HAGH: variants seen among roughly 807,000 people sequenced by gnomAD.
HAGH encodes the protein hydroxyacylglutathione hydrolase, mitochondrial.
In HAGH, 29 loss-of-function variants were observed where a neutral mutation model predicts 35.1. That is an observed-to-expected ratio of 0.83 (90% CI 0.62 to 1.13). The LOEUF is 1.13. Among genes scored for constraint, HAGH ranks in the 50% most tolerant of loss-of-function variants. The pLI, the probability that HAGH is intolerant of heterozygous loss-of-function variation, is 0.00. For missense variants in HAGH, 478 were observed against 419.6 expected (o/e 1.14, Z -1.22); for synonymous variants, 225 against 176.1 (o/e 1.28, Z -2.20).
intron 2 of HAGH, 41 bp downstream of exon 2, chr16:1,822,824 G>A (rs1354076236): frequency 8.2e-6 from 13 of 1,577,962 alleles, no homozygotes; most frequent in Non-Finnish European, 1.0e-5. Context: ...ACTCCGAGCT[G>A]GGTGACCAGG....
chr16:1,822,928 C>T lies in HAGH; in HGVS notation c.186G>A (p.Met62Ile). 6.2e-7 allele frequency: 1 copy of T among 1,613,918 alleles called. No individual in the cohort carries two copies. Residue 62 changes from methionine (M) to isoleucine (I), a missense_variant, in exon 2 of 9, where the codon ATG becomes ATA. Physicochemically the swap from Met to Ile is conservative, Grantham distance 10. Coordinates refer to ENST00000397356, the MANE Select transcript of HAGH (RefSeq NM_005326.6). ...EVLPALTDNY[M>I]YLVIDDETKE... ...TGGTCTCATCATCAATGACCAGGTA[C>T]ATGTAGTTGTCGGTCAGGGCAGGCA...
rs1898077557 is a variant in HAGH at position 1,819,999 on chromosome 16, C to T, written c.330G>A (p.Gly110=). The T allele has an allele frequency of 1.2e-6, 2 of 1,611,894 alleles. No homozygotes were observed. The highest frequency in any genetic ancestry group is 1.7e-5 in the Admixed American group (1 of 59,910). The change falls in exon 4 of 9, where the codon GGG becomes GGA. Residue 110 remains glycine, a synonymous_variant. Transcript: ENST00000397356. ...TTHHHWDHAG[G]NEKLVKLESG... ...ACTCCAGCTTGACCAGTTTCTCATT[C>T]CCGCCAGCATGGTCCCTAGAAGTCA... is the stretch of plus-strand genomic sequence containing the variant.
chr16:1,818,088 G>A (rs1009357648), intron 5 of HAGH, among the ~76,000 whole-genome samples: 3 of 152,230 alleles, frequency 2.0e-5, no homozygotes, highest in Non-Finnish European at 4.4e-5. Context: ...AGGACCAGCA[G>A]GAGGCCATGG....
Position 1,809,167 on chromosome 16 carries a change from G to A in HAGH, c.*116C>T, listed in dbSNP as rs769610239. The A allele has an allele frequency of 4.1e-5, 29 of 706,108 alleles. No homozygotes were observed. The highest frequency in any genetic ancestry group is 6.8e-5 in the Non-Finnish European group (27 of 399,536). The allele number at this position is 706,108 out of a possible 1,614,324, so 43.7% of individuals were successfully genotyped here. On this transcript the variant is annotated 3_prime_UTR_variant, in exon 9 of 9. Transcript: ENST00000397356. Reference sequence around the variant, plus strand: ...TGCATTAGAATGTCCGATAACACAAGCCAAGGGCTGTAAAATTAAGGTTAA... The same window carrying A: ...TGCATTAGAATGTCCGATAACACAAACCAAGGGCTGTAAAATTAAGGTTAA...
chr16:1,817,106 G>A, intron 6 of HAGH, 62 bp downstream of exon 6: 2 of 1,356,086 alleles, frequency 1.5e-6, no homozygotes, highest in Non-Finnish European at 2.1e-6. Flanking sequence ...TGCCAGGAGG[G>A]AGAGCAGCCC....
In HAGH at chr16:1,809,792, C is replaced by T. The variant is rs1258554555; in HGVS notation, c.789G>A (p.Leu263=). Residue 263 remains leucine (L), a synonymous_variant, in exon 8 of 9, where the codon CTG becomes CTA. Transcript: ENST00000397356. ...SIGEPTVPST[L]AEEFTYNPFM... ...AGGGGTTGTAGGTAAACTCCTCTGCCAGGGTGGATGGCACTGTGGGCTCCC... is the reference window on the plus strand; with the variant it reads ...AGGGGTTGTAGGTAAACTCCTCTGCTAGGGTGGATGGCACTGTGGGCTCCC... The T allele has an allele frequency of 1.2e-6, 2 of 1,613,894 alleles. No individual in the cohort carries two copies. The highest frequency in any genetic ancestry group is 2.7e-5 in the African/African-American group (2 of 74,940).
Position 1,822,350 on chromosome 16 carries a change from C to T in HAGH, c.264G>A (p.Ala88=), listed in dbSNP as rs775202951. 3.1e-6 allele frequency: 5 copies of T among 1,611,510 alleles called. No individual in the cohort carries two copies. Among genetic ancestry groups the T allele is most frequent in the Non-Finnish European group, 4.2e-6 (5 of 1,178,850 alleles). Residue 88 remains alanine (A), a synonymous_variant, in exon 3 of 9, where the codon GCG becomes GCA. Transcript: ENST00000397356. ...TGGTCAGTTTCACCCCGTGCTTTCT[C>T]GCCGCGTCCACGACCTGCAGTGGCC... ...PVQPQKVVDA[A]RKHGVKLTTV...
intron 2 of HAGH, 95 bp from the exon 3 acceptor site, chr16:1,822,459 G>A (rs1048789891): frequency 5.5e-5 from 51 of 929,058 alleles, no homozygotes; most frequent in East Asian, 1.7e-4. Flanking sequence ...CCCAGGACAC[G>A]CCATGAGGGG....
chr16:1,815,268 A>G (rs1184482279), intron 7 of HAGH, among the ~76,000 whole-genome samples: 4 of 152,238 alleles, frequency 2.6e-5, no homozygotes, highest in Non-Finnish European at 5.9e-5. Flanking sequence ...GAACAGTACA[A>G]CCATTTTTGG....
rs749673184 is a variant in HAGH, at chr16:1,823,001, A to C, written c.113T>G (p.Leu38Trp). Residue 38 changes from leucine (L) to tryptophan (W), a missense_variant, in exon 2 of 9, where the codon TTG becomes TGG. Transcript: ENST00000397356. ...CTCGTCCACGGTCAGGTTCTTCCGCAAATCTGTGTGGCAGAAAACTCCCAG... is the reference window on the plus strand; with the variant it reads ...CTCGTCCACGGTCAGGTTCTTCCGCCAATCTGTGTGGCAGAAAACTCCCAG... ...ALLGVFCHTD[L>W]RKNLTVDEGT... The C allele has an allele frequency of 8.7e-6, 14 of 1,613,832 alleles. No individual in the cohort carries two copies. In the Admixed American group the frequency reaches 2.3e-4, roughly 27 times the overall value.
rs544166906 is a variant in HAGH at position 1,809,299 on chromosome 16, T to C, written c.911A>G (p.Lys304Arg). Reference sequence around the variant, plus strand: ...AGGGCGGCCTCAGTCCCGGGGCATCTTGAACTGGTCCTTCTCCCTGCGCAC... The same window carrying C: ...AGGGCGGCCTCAGTCCCGGGGCATCCTGAACTGGTCCTTCTCCCTGCGCAC... ...RAVRREKDQF[K>R]MPRD The change falls in exon 9 of 9, where the codon AAG becomes AGG. Residue 304 changes from lysine (K) to arginine (R), a missense_variant. Transcript: ENST00000397356. 2 of 1,612,120 alleles carry C rather than the reference T, an allele frequency of 1.2e-6. No individual in the cohort carries two copies. The highest frequency in any genetic ancestry group is 2.2e-5 in the East Asian group (1 of 44,794).
upstream of HAGH, chr16:1,826,845 G>C (rs1049897720): frequency 7.3e-6 from 8 of 1,098,572 alleles, no homozygotes; most frequent in South Asian, 1.4e-4. Context: ...CGGCGTCGGC[G>C]CGTCGCAGCC....
intron 8 of HAGH, 83 bp from the exon 9 acceptor site, chr16:1,809,465 C>CGT (rs1567249914): frequency 8.6e-7 from 1 of 1,165,566 alleles, no homozygotes; most frequent in Admixed American, 1.8e-5. Flanking sequence ...GAAGGCGACT[C>CGT]GTGCTGGCCG....
chr16:1,824,138 C>T (rs1898285418), intron 1 of HAGH, among the ~76,000 whole-genome samples: 1 of 151,700 alleles, frequency 6.6e-6, no homozygotes, highest in Admixed American at 6.6e-5. Flanking sequence ...AGGAGAATTG[C>T]TTGAATCCGG....
chr16:1,823,099 A>G (rs1267042105), intron 1 of HAGH, 62 bp from the exon 2 acceptor site: 2 of 1,404,496 alleles, frequency 1.4e-6, no homozygotes, highest in South Asian at 1.2e-5. Context: ...CAGGACGCGC[A>G]AGCTGCAGTG....
Position 1,822,289 on chromosome 16 carries a change from G to T in HAGH, c.314+11C>A, listed in dbSNP as rs185928647. On this transcript the variant is annotated intron_variant, in intron 3 of 8. Transcript: ENST00000397356. ...CAGGTCCCACACCCCCAGGTGAGAC[G>T]CGGCACTTACCAGTGGTGGTGGGTG... is the stretch of plus-strand genomic sequence containing the variant. 2 of 1,590,086 alleles carry T rather than the reference G, an allele frequency of 1.3e-6. No homozygotes were observed. The highest frequency in any genetic ancestry group is 1.7e-6 in the Non-Finnish European group (2 of 1,159,046).
At chr16:1,809,616 C>G in intron 8 of HAGH, 138 bp downstream of exon 8, 2 of 744,016 alleles carry the variant, frequency 2.7e-6, no homozygotes, top group Non-Finnish European at 4.7e-6. Flanking sequence ...GAAGAGTGCT[C>G]GGGCTCTGCG....
chr16:1,822,822 C>A (rs763055208), intron 2 of HAGH, 43 bp downstream of exon 2: 1 of 1,573,668 alleles, frequency 6.4e-7, no homozygotes, highest in South Asian at 1.1e-5. Flanking sequence ...GGACTCCGAG[C>A]TGGGTGACCA....
rs1898418945 is a variant in HAGH, at chr16:1,826,358, G to A, written c.76+354C>T. ...AGGTGCGGGGTGGGCCAGGCGTCCC[G>A]GGGCCCTGCCCGCTGCGCCTCAGAG... is the stretch of plus-strand genomic sequence containing the variant. On this transcript the variant is annotated intron_variant, in intron 1 of 8. Coordinates refer to ENST00000397356, the MANE Select transcript of HAGH (RefSeq NM_005326.6). 3 of 171,932 alleles carry A rather than the reference G, an allele frequency of 1.7e-5. No individual in the cohort carries two copies. The South Asian group carries it at 5.7e-4, about 33-fold the overall frequency. The allele number at this position is 171,932 out of a possible 1,614,324, so 10.7% of individuals were successfully genotyped here. A position where few individuals can be genotyped will look rare whatever the true frequency, so the allele number is the denominator to read the frequency against.
Sources: gnomAD v4.1 joint callset for allele counts (sites outside exome capture counted in the v4.1 genomes callset) on GRCh38, gnomAD v4.1.1 for gene constraint, MANE v1.5 for transcripts, NCBI Gene and HGNC (gene_info 2026-07-23, HGNC 2026-07-21) for gene names.